Variants in RBFOX1 observed in about 807,000 individuals in gnomAD.
The protein encoded by RBFOX1 is RNA binding protein fox-1 homolog 1.
Under a neutral mutation model 57.7 loss-of-function variants are expected in RBFOX1, and 8 were observed. The observed-to-expected ratio is 0.14, with a 90% confidence interval of 0.08 to 0.25. RBFOX1 has a LOEUF of 0.25. Ranked by LOEUF, RBFOX1 falls within the 10% of genes least tolerant of loss-of-function variation. RBFOX1 has a pLI of 1.00. For synonymous variants in RBFOX1, 326 were observed against 222.4 expected (o/e 1.47, Z -4.15); for missense variants, 611 against 548.5 (o/e 1.11, Z -1.14).
At chr16:5,392,141 G>C (rs553722533) in intron 1 of RBFOX1, among the ~76,000 whole-genome samples, 21 of 152,114 alleles carry the variant, frequency 1.4e-4, no homozygotes, top group African/African-American at 5.1e-4. Context: ...GGAAAGGATG[G>C]GAGGAGGATG....
At chr16:7,356,002 G>C (rs1428039539) in intron 4 of RBFOX1, among the ~76,000 whole-genome samples, 1 of 152,178 alleles carries the variant, frequency 6.6e-6, no homozygotes, top group Non-Finnish European at 1.5e-5. Flanking sequence ...CCCATGCACT[G>C]TGCTTTATTG....
At chr16:7,035,833 T>A (rs1415930091) in intron 3 of RBFOX1, among the ~76,000 whole-genome samples, 1 of 152,154 alleles carries the variant, frequency 6.6e-6, no homozygotes, top group African/African-American at 2.4e-5. Flanking sequence ...GTGAAGCATA[T>A]GTCTTCCAGC....
intron 4 of RBFOX1, among the ~76,000 whole-genome samples, chr16:7,062,809 C>T (rs913340603): frequency 2.0e-5 from 3 of 151,128 alleles, no homozygotes; most frequent in Admixed American, 2.0e-4. Context: ...ACCTCAGATT[C>T]ACCCTGATTC....
At chr16:6,039,463 C>T (rs908710390) in intron 1 of RBFOX1, among the ~76,000 whole-genome samples, 28 of 152,060 alleles carry the variant, frequency 1.8e-4, no homozygotes, top group African/African-American at 6.5e-4. Context: ...GCTTGGAGAC[C>T]GAAGTTCTAT....
chr16:6,708,921 GCT>G (rs112172266), intron 3 of RBFOX1, among the ~76,000 whole-genome samples: 40,475 of 151,710 alleles, frequency 0.27, 6,386 homozygotes, highest in East Asian at 0.64. Context: ...GTCCCCAACA[GCT>G]TAAGCCAACA....
chr16:6,934,030 C>A (rs970308187), intron 3 of RBFOX1, among the ~76,000 whole-genome samples: 3 of 152,194 alleles, frequency 2.0e-5, no homozygotes, highest in Non-Finnish European at 2.9e-5. Flanking sequence ...CACGATTGCA[C>A]ACTGGGCTAG....
intron 10 of RBFOX1, among the ~76,000 whole-genome samples, chr16:7,624,947 A>T (rs2059860402): frequency 6.6e-6 from 1 of 152,150 alleles, no homozygotes; most frequent in Admixed American, 6.5e-5. Context: ...GCAAGAAAGG[A>T]GGAAGAAAGA....
intron 3 of RBFOX1, among the ~76,000 whole-genome samples, chr16:6,738,100 C>T (rs1319062442): frequency 2.0e-5 from 3 of 148,434 alleles, no homozygotes; most frequent in Non-Finnish European, 3.0e-5. Context: ...AAAAGTCAGG[C>T]ATTTTCCTCT....
intron 3 of RBFOX1, among the ~76,000 whole-genome samples, chr16:6,827,836 C>G (rs2092341435): frequency 6.6e-6 from 1 of 152,200 alleles, no homozygotes; most frequent in Admixed American, 6.5e-5. Context: ...GCCTTGAAAC[C>G]TCAGGTCCTT....
At chr16:7,399,039 G>A (rs991150776) in intron 4 of RBFOX1, among the ~76,000 whole-genome samples, 1 of 152,206 alleles carries the variant, frequency 6.6e-6, no homozygotes, top group African/African-American at 2.4e-5. Context: ...TTGAGTGACT[G>A]TTGGGTACTC....
intron 4 of RBFOX1, among the ~76,000 whole-genome samples, chr16:7,272,161 G>A (rs866839465): frequency 6.6e-6 from 1 of 152,134 alleles, no homozygotes; most frequent in Non-Finnish European, 1.5e-5. Flanking sequence ...AATGTTAATA[G>A]ATTACTCTTT....
At chr16:6,983,879 G>A (rs1565637) in intron 3 of RBFOX1, 4 of 152,412 alleles carry the variant, frequency 2.6e-5, no homozygotes, top group Admixed American at 6.5e-5. Context: ...AGTGCTCTTG[G>A]ACAAGGTGTT....
intron 1 of RBFOX1, among the ~76,000 whole-genome samples, chr16:6,086,341 A>G (rs939237632): frequency 2.1e-4 from 32 of 152,138 alleles, no homozygotes; most frequent in African/African-American, 7.2e-4. Flanking sequence ...CGTGCATTCC[A>G]TCTCTCACAT....
chr16:5,823,591 T>A (rs905313835), intron 3 of RBFOX1, among the ~76,000 whole-genome samples: 1 of 152,130 alleles, frequency 6.6e-6, no homozygotes, highest in African/African-American at 2.4e-5. Flanking sequence ...TGAAGCTTCA[T>A]CTTTATTTAC....
At chr16:7,209,289 C>T (rs777566142) in intron 4 of RBFOX1, among the ~76,000 whole-genome samples, 6 of 151,974 alleles carry the variant, frequency 3.9e-5, no homozygotes, top group Admixed American at 2.0e-4. Flanking sequence ...GAGCTGATAT[C>T]GTGCCATTGC....
Position 6,864,995 on chromosome 16 carries a change from C to CTTTT in RBFOX1, c.-15-187041_-15-187038dup, listed in dbSNP as rs34341448. 6.1e-3 allele frequency among the ~76,000 whole-genome samples: 499 copies of CTTTT among 82,470 alleles called. 31 individuals carry two copies. Among genetic ancestry groups the CTTTT allele is most frequent in the African/African-American group, 0.025 (434 of 17,690 alleles). 54.1% of individuals were successfully genotyped at this position (82,470 alleles called of 152,430 possible). A position where few individuals can be genotyped will look rare whatever the true frequency, so the allele number is the denominator to read the frequency against. ...AATGTTGGAGTGGGTTTTTCTTTTT[C>CTTTT]TTTTTTTTTTTTTTTTTTTTTTTTG... is the stretch of plus-strand genomic sequence containing the variant. On this transcript the variant is annotated intron_variant, in intron 3 of 15. Transcript: ENST00000550418.
At position 7,707,965 on chromosome 16, in the gene RBFOX1, C is replaced by G. The variant is rs571539254; in HGVS notation, c.996-1091C>G. Among the ~76,000 whole-genome samples, 61 of 152,288 alleles carry G rather than the reference C, an allele frequency of 4.0e-4. No individual in the cohort carries two copies. The South Asian group carries it at 0.012, about 30-fold the overall frequency. On this transcript the variant is annotated intron_variant, in intron 14 of 15. Coordinates refer to ENST00000550418, the MANE Select transcript of RBFOX1 (RefSeq NM_018723.4). ...CAGTATTAAGATAGCAGCATTCAAA[C>G]TATCTCCAGGAAAATATCTGGCAGG...
rs368585545 is a variant in RBFOX1, at chr16:7,625,654, G to A, written c.677-4949G>A. Reference sequence around the variant, plus strand: ...AGTTGCCAGGCAGTTGAGATGTTCCGTTCACATTTTTTGTTTAAATTCAGA... The same window carrying A: ...AGTTGCCAGGCAGTTGAGATGTTCCATTCACATTTTTTGTTTAAATTCAGA... On this transcript the variant is annotated intron_variant, in intron 10 of 15. Coordinates refer to ENST00000550418, the MANE Select transcript of RBFOX1 (RefSeq NM_018723.4). Among the ~76,000 whole-genome samples the A allele has an allele frequency of 1.0e-3, 152 of 152,172 alleles. 4 individuals are homozygous for A. In the South Asian group the frequency reaches 0.031, roughly 31 times the overall value.
intron 4 of RBFOX1, among the ~76,000 whole-genome samples, chr16:7,272,458 A>G (rs1377842379): frequency 6.6e-6 from 1 of 152,216 alleles, no homozygotes; most frequent in Non-Finnish European, 1.5e-5. Flanking sequence ...GGCTGGAATT[A>G]CAGGCATCAG....
Sources: gnomAD v4.1 joint callset for allele counts (sites outside exome capture counted in the v4.1 genomes callset) on GRCh38, gnomAD v4.1.1 for gene constraint, MANE v1.5 for transcripts, NCBI Gene and HGNC (gene_info 2026-07-23, HGNC 2026-07-21) for gene names.